The following ATP9B variants were observed in gnomAD, a reference collection of about 807,000 sequenced individuals.
The protein encoded by ATP9B is probable phospholipid-transporting ATPase IIB.
ATP9B carries 110 observed loss-of-function variants against 146.1 expected under a neutral mutation model. That is an observed-to-expected ratio of 0.75 (90% CI 0.65 to 0.88). The LOEUF (loss-of-function observed/expected upper bound fraction) is 0.88, where lower values mean the gene tolerates loss of function less well. Among genes scored for constraint, ATP9B ranks in the 40% least tolerant of loss-of-function variants. The pLI, the probability that ATP9B is intolerant of heterozygous loss-of-function variation, is 0.00. For missense variants in ATP9B, 1,499 were observed against 1,496.4 expected (o/e 1.00, Z -0.03); for synonymous variants, 604 against 569.7 (o/e 1.06, Z -0.86).
intron 23 of ATP9B, among the ~76,000 whole-genome samples, chr18:79,346,820 G>T (rs1369582340): frequency 1.3e-5 from 2 of 152,140 alleles, no homozygotes; most frequent in African/African-American, 4.8e-5. Flanking sequence ...AACACGTGTG[G>T]TCAGCACACA....
intron 8 of ATP9B, among the ~76,000 whole-genome samples, chr18:79,177,993 G>C (rs1305580324): frequency 6.6e-6 from 1 of 152,232 alleles, no homozygotes; most frequent in Non-Finnish European, 1.5e-5. Context: ...ATGAAGGAAG[G>C]TAGGTTCTAC....
intron 6 of ATP9B, among the ~76,000 whole-genome samples, chr18:79,148,101 A>C (rs1335861622): frequency 6.6e-6 from 1 of 152,224 alleles, no homozygotes. Context: ...CATAAAGTAT[A>C]AGAACTCAGT....
chr18:79,128,243 C>T (rs772589965), intron 5 of ATP9B, among the ~76,000 whole-genome samples: 1 of 151,474 alleles, frequency 6.6e-6, no homozygotes, highest in South Asian at 2.1e-4. Flanking sequence ...TATTTTTAGT[C>T]GATACGGGGT....
chr18:79,103,604 A>C (rs772623603), intron 2 of ATP9B, among the ~76,000 whole-genome samples: 1 of 152,178 alleles, frequency 6.6e-6, no homozygotes, highest in Non-Finnish European at 1.5e-5. Context: ...TGTGACTTCT[A>C]TTCTCAATTG....
intron 7 of ATP9B, among the ~76,000 whole-genome samples, chr18:79,156,037 C>T (rs1451587272): frequency 6.6e-6 from 1 of 152,178 alleles, no homozygotes; most frequent in Non-Finnish European, 1.5e-5. Flanking sequence ...GCTGGGATTA[C>T]AGACGTGAGT....
intron 15 of ATP9B, among the ~76,000 whole-genome samples, chr18:79,322,000 G>A (rs1033450899): frequency 1.3e-5 from 2 of 152,194 alleles, no homozygotes; most frequent in African/African-American, 4.8e-5. Context: ...TTTATTGGAG[G>A]AAGCAATGGT....
At chr18:79,247,879 T>C (rs563111157) in intron 11 of ATP9B, among the ~76,000 whole-genome samples, 18 of 152,240 alleles carry the variant, frequency 1.2e-4, no homozygotes, top group Non-Finnish European at 2.1e-4. Context: ...GTTAAATTTC[T>C]TGGTAGGCAA....
rs2096615462 is a variant in ATP9B at position 79,305,454 on chromosome 18, A to ACG, written c.1525-1532_1525-1531insCG. 3.9e-5 allele frequency among the ~76,000 whole-genome samples: 6 copies of ACG among 152,186 alleles called. No individual in the cohort carries two copies. In the South Asian group the frequency reaches 1.2e-3, roughly 31 times the overall value. ...TACGTACACAGCCAAACACTTTATTATTTTGGATGTAATTCATTTAGATAC... is the reference window on the plus strand; with the variant it reads ...TACGTACACAGCCAAACACTTTATTACGTTTTGGATGTAATTCATTTAGATAC... On this transcript the variant is annotated intron_variant, in intron 14 of 29. Coordinates refer to ENST00000426216, the MANE Select transcript of ATP9B (RefSeq NM_198531.5).
intron 11 of ATP9B, among the ~76,000 whole-genome samples, chr18:79,240,614 G>A (rs1316704610): frequency 6.6e-6 from 1 of 152,172 alleles, no homozygotes; most frequent in Non-Finnish European, 1.5e-5. Flanking sequence ...GTGTGGTGGT[G>A]CATGCCTGTA....
chr18:79,126,429 T>TA (rs2094288333), intron 5 of ATP9B, 54 bp downstream of exon 5: 1 of 1,221,502 alleles, frequency 8.2e-7, no homozygotes, highest in Admixed American at 2.0e-5. Context: ...ATTATCATTT[T>TA]AGAGTTAACA....
At position 79,216,378 on chromosome 18, in the gene ATP9B, C is replaced by T. The variant is rs200217366; in HGVS notation, c.1107+2340C>T. 1.3e-4 allele frequency among the ~76,000 whole-genome samples: 20 copies of T among 152,326 alleles called. No individual in the cohort carries two copies. In the East Asian group the frequency reaches 2.9e-3, roughly 22 times the overall value. On this transcript the variant is annotated intron_variant, in intron 11 of 29. Coordinates refer to ENST00000426216, the MANE Select transcript of ATP9B (RefSeq NM_198531.5). ...CCTTGGTGCACACTCGTGTGTCCCT[C>T]AGCCTCTTCACCCTCTCCACCCTCC...
chr18:79,322,825 A>T (rs1223373410), intron 15 of ATP9B, among the ~76,000 whole-genome samples: 1 of 152,246 alleles, frequency 6.6e-6, no homozygotes, highest in African/African-American at 2.4e-5. Flanking sequence ...GGTGCCTCCC[A>T]GAGCAGAATG....
At position 79,215,969 on chromosome 18, in the gene ATP9B, C is replaced by T. The variant is rs1262405059; in HGVS notation, c.1107+1931C>T. The stretch of plus-strand genomic sequence containing the variant: ...CCTCCCAAAGTGCTAGGATTACAGG[C>T]GTGAGCCACCGCACCCGACCACAAA... On this transcript the variant is annotated intron_variant, in intron 11 of 29. Coordinates refer to ENST00000426216, the MANE Select transcript of ATP9B (RefSeq NM_198531.5). Among the ~76,000 whole-genome samples the T allele has an allele frequency of 3.3e-5, 5 of 152,302 alleles. No homozygotes were observed. The South Asian group carries it at 8.3e-4, about 25-fold the overall frequency.
Position 79,213,967 on chromosome 18 carries a change from G to A in ATP9B, c.1036G>A (p.Val346Ile). 1.2e-6 allele frequency: 2 copies of A among 1,603,806 alleles called. No homozygotes were observed. Among genetic ancestry groups the A allele is most frequent in the East Asian group, 2.3e-5 (1 of 44,372 alleles). ...WASTIVASGT[V>I]IGVVIYTGKE... is the part of the protein sequence containing the mutation. ...CCACTTTCATGTTTTTGCAGGTACT[G>A]TAATAGGTGTTGTCATTTATACCGG... The change falls in exon 11 of 30, where the codon GTA becomes ATA. Residue 346 changes from valine to isoleucine, a missense_variant. Val to Ile is a conservative substitution (Grantham distance 29). Transcript: ENST00000426216.
chr18:79,376,532 G>A (rs1257093326), intron 29 of ATP9B, among the ~76,000 whole-genome samples: 1 of 151,884 alleles, frequency 6.6e-6, no homozygotes, highest in African/African-American at 2.4e-5. Flanking sequence ...TGGGATTACA[G>A]GTGCCTGCCA....
At chr18:79,073,339 A>G (rs1262431240) in intron 1 of ATP9B, among the ~76,000 whole-genome samples, 9 of 152,184 alleles carry the variant, frequency 5.9e-5, no homozygotes, top group African/African-American at 2.4e-5. Flanking sequence ...CCTGGGCAAC[A>G]TTGAGCACTG....
intron 13 of ATP9B, among the ~76,000 whole-genome samples, chr18:79,280,215 A>G (rs2096361830): frequency 6.6e-6 from 1 of 152,248 alleles, no homozygotes; most frequent in African/African-American, 2.4e-5. Flanking sequence ...ATGTTCAAGA[A>G]CTAAGAGAAA....
chr18:79,340,811 T>G (rs368455786), intron 19 of ATP9B, among the ~76,000 whole-genome samples: 14 of 152,318 alleles, frequency 9.2e-5, no homozygotes, highest in African/African-American at 2.6e-4. Flanking sequence ...CAACTTTTGG[T>G]TTGACTATGG....
intron 5 of ATP9B, among the ~76,000 whole-genome samples, chr18:79,140,620 C>CA (rs753032356): frequency 0.013 from 1,947 of 144,750 alleles, 39 homozygotes; most frequent in African/African-American, 0.044. Flanking sequence ...ACTAAAAATA[C>CA]AAAAAAAAAA....
Sources: allele counts gnomAD v4.1 joint callset (sites outside exome capture counted in the v4.1 genomes callset), GRCh38; gene constraint gnomAD v4.1.1; transcripts MANE v1.5; gene names NCBI Gene and HGNC (gene_info 2026-07-23, HGNC 2026-07-21).